Variants in SLC35F3 observed in about 807,000 individuals in gnomAD.
The protein encoded by SLC35F3 is putative thiamine transporter SLC35F3.
In SLC35F3, 25 loss-of-function variants were observed where a neutral mutation model predicts 49.9. That is an observed-to-expected ratio of 0.50 (90% CI 0.37 to 0.70). SLC35F3 has a LOEUF of 0.70. Ranked by LOEUF, SLC35F3 falls within the 30% of genes least tolerant of loss-of-function variation. The pLI, the probability that SLC35F3 is intolerant of heterozygous loss-of-function variation, is 0.00. For synonymous variants in SLC35F3, 275 were observed against 265.4 expected, an observed-to-expected ratio of 1.04 and a Z score of -0.35; for missense variants, 525 against 639.8, an observed-to-expected ratio of 0.82 and a Z score of 1.94.
chr1:234,142,823 A>C (rs1460728479), intron 2 of SLC35F3, among the ~76,000 whole-genome samples: 1 of 152,240 alleles, frequency 6.6e-6, no homozygotes. Context: ...CACCAGGGTC[A>C]CATGGCCAAA....
At chr1:234,065,192 A>G (rs1334964274) in intron 2 of SLC35F3, among the ~76,000 whole-genome samples, 1 of 151,990 alleles carries the variant, frequency 6.6e-6, no homozygotes, top group East Asian at 1.9e-4. Context: ...CTGTCTCCAG[A>G]CTGGAGTGCA....
rs892532837 is a variant in SLC35F3, at chr1:234,231,098, G to T, written c.284-319G>T. Among the ~76,000 whole-genome samples, 2 of 152,206 alleles carry T rather than the reference G, an allele frequency of 1.3e-5. No homozygotes were observed. Among genetic ancestry groups the T allele is most frequent in the Non-Finnish European group, 2.9e-5 (2 of 68,036 alleles). On this transcript the variant is annotated intron_variant, in intron 2 of 7. Transcript: ENST00000366618. The surrounding 1 kb of genome is among the most constrained non-coding windows in gnomAD (Gnocchi z 5.4). ...CACGCAGATCACCTGAGGAATGCAG[G>T]TTCTGATTTTGGAGTCTGGGGTGAG... is the stretch of plus-strand genomic sequence containing the variant.
At position 234,119,249 on chromosome 1, in the gene SLC35F3, A is replaced by T. The variant is rs1572059067; in HGVS notation, c.284-112168A>T. 2.0e-5 allele frequency among the ~76,000 whole-genome samples: 3 copies of T among 151,548 alleles called. No individual in the cohort carries two copies. The East Asian group carries it at 5.8e-4, about 29-fold the overall frequency. ...TGCTTTGCTGCCTGGGCCTTTGCAC[A>T]CTAGCCTCCATCTTTTCCACAGCCT... On this transcript the variant is annotated intron_variant, in intron 2 of 7. Coordinates refer to ENST00000366618, the MANE Select transcript of SLC35F3 (RefSeq NM_173508.4).
chr1:234,168,450 G>A (rs1666350429), intron 2 of SLC35F3, among the ~76,000 whole-genome samples: 1 of 152,214 alleles, frequency 6.6e-6, no homozygotes, highest in Non-Finnish European at 1.5e-5. Flanking sequence ...TAAAGTGGAG[G>A]TGCAGGACTG....
At chr1:234,012,093 T>A (rs1208892101) in intron 2 of SLC35F3, among the ~76,000 whole-genome samples, 5 of 152,206 alleles carry the variant, frequency 3.3e-5, no homozygotes, top group African/African-American at 9.6e-5. Context: ...AGAATCTGTG[T>A]CATAATTAAG....
rs1663997597 is a variant in SLC35F3, at chr1:234,027,621, G to T, written c.283+121863G>T. On this transcript the variant is annotated intron_variant, in intron 2 of 7. Coordinates refer to ENST00000366618, the MANE Select transcript of SLC35F3 (RefSeq NM_173508.4). The surrounding 1 kb of genome is among the most constrained non-coding windows in gnomAD (Gnocchi z 4.1). ...GAGGGCCTAAACTAAGCTGGTCACA[G>T]ATAGTAGAAAGAAAGGGACAGATGT... Among the ~76,000 whole-genome samples the T allele has an allele frequency of 6.6e-6, 1 of 152,186 alleles. No homozygotes were observed. The highest frequency in any genetic ancestry group is 2.4e-5 in the African/African-American group (1 of 41,436).
intron 3 of SLC35F3, 59 bp from the exon 4 acceptor site, chr1:234,309,042 A>G: frequency 7.0e-7 from 1 of 1,434,970 alleles, no homozygotes. Flanking sequence ...GCTATAGGAA[A>G]TAAATGGTCT....
intron 3 of SLC35F3, among the ~76,000 whole-genome samples, chr1:234,244,396 T>C (rs1572112070): frequency 6.6e-6 from 1 of 152,140 alleles, no homozygotes; most frequent in East Asian, 1.9e-4. Context: ...GAAGAAACTA[T>C]CCATGGGCAG....
At chr1:233,940,505 G>A (rs926197463) in intron 2 of SLC35F3, among the ~76,000 whole-genome samples, 7 of 152,128 alleles carry the variant, frequency 4.6e-5, no homozygotes, top group African/African-American at 1.7e-4. Context: ...CAAAGTATGT[G>A]CACTTTGCCA....
At chr1:234,130,712 A>G (rs1047912465) in intron 2 of SLC35F3, among the ~76,000 whole-genome samples, 5 of 152,050 alleles carry the variant, frequency 3.3e-5, no homozygotes, top group Non-Finnish European at 7.4e-5. Flanking sequence ...AAACTCTCAT[A>G]CACTGCTGGT....
At chr1:234,311,678 G>C (rs1203972752) in intron 4 of SLC35F3, among the ~76,000 whole-genome samples, 1 of 152,258 alleles carries the variant, frequency 6.6e-6, no homozygotes, top group African/African-American at 2.4e-5. Flanking sequence ...TATGGTATGA[G>C]AGGGTGAGAA....
At chr1:233,954,008 C>CTT (rs750099276) in intron 2 of SLC35F3, among the ~76,000 whole-genome samples, 32 of 141,208 alleles carry the variant, frequency 2.3e-4, no homozygotes, top group African/African-American at 5.4e-4. Context: ...ACTAGAGCCT[C>CTT]TTTTTTTTTT....
chr1:234,046,735 A>G lies in SLC35F3; in HGVS notation c.283+140977A>G, dbSNP rs1013551425. Among the ~76,000 whole-genome samples the G allele has an allele frequency of 1.2e-3, 184 of 152,292 alleles. No homozygotes were observed. Among genetic ancestry groups the G allele is most frequent in the African/African-American group, 4.3e-3 (179 of 41,570 alleles). On this transcript the variant is annotated intron_variant, in intron 2 of 7. Transcript: ENST00000366618. The surrounding 1 kb of genome is among the most constrained non-coding windows in gnomAD (Gnocchi z 4.4). Reference sequence around the variant, plus strand: ...TTTTAAACATTTCCTTTATGCATTTAGTTATTTAATCCCTGAAATTTGTCT... The same window carrying G: ...TTTTAAACATTTCCTTTATGCATTTGGTTATTTAATCCCTGAAATTTGTCT...
At position 234,256,983 on chromosome 1, in the gene SLC35F3, A is replaced by G. The variant is rs562010696; in HGVS notation, c.608+25242A>G. Among the ~76,000 whole-genome samples, 28 of 152,138 alleles carry G rather than the reference A, an allele frequency of 1.8e-4. 1 individual carries two copies. The highest frequency in any genetic ancestry group is 2.6e-4 in the Non-Finnish European group (18 of 68,034). On this transcript the variant is annotated intron_variant, in intron 3 of 7. Transcript: ENST00000366618. ...CCTTTCTAAATTTATGAACCTTGTC[A>G]CTCTTCAGTTGATACAATAATAGTT...
chr1:233,975,641 T>C (rs1572004991), intron 2 of SLC35F3, among the ~76,000 whole-genome samples: 1 of 152,176 alleles, frequency 6.6e-6, no homozygotes, highest in Non-Finnish European at 1.5e-5. Context: ...GGGGCGCTGC[T>C]GTGGGCAGGA....
intron 4 of SLC35F3, among the ~76,000 whole-genome samples, chr1:234,313,463 A>T (rs906387473): frequency 2.0e-5 from 3 of 152,174 alleles, no homozygotes; most frequent in Non-Finnish European, 4.4e-5. Context: ...GCTAAGCAGT[A>T]ATCCCCGGCC....
At chr1:234,126,687 C>A (rs1665653585) in intron 2 of SLC35F3, among the ~76,000 whole-genome samples, 1 of 151,980 alleles carries the variant, frequency 6.6e-6, no homozygotes, top group Middle Eastern at 3.2e-3. Flanking sequence ...GTTTTCTTTT[C>A]TTTCTTTCTT....
intron 2 of SLC35F3, among the ~76,000 whole-genome samples, chr1:234,192,996 C>G (rs1176319927): frequency 6.6e-6 from 1 of 152,086 alleles, no homozygotes; most frequent in Admixed American, 6.6e-5. Context: ...TGGGTAGAAT[C>G]AATATTGTGA....
At chr1:234,230,288 T>C (rs761330561) in intron 2 of SLC35F3, among the ~76,000 whole-genome samples, 41 of 152,232 alleles carry the variant, frequency 2.7e-4, no homozygotes, top group Non-Finnish European at 1.8e-4. Flanking sequence ...CATAGACTCA[T>C]AATGCTTCAG....
Sources: allele counts gnomAD v4.1 joint callset (sites outside exome capture counted in the v4.1 genomes callset), GRCh38; gene constraint gnomAD v4.1.1; non-coding constraint Gnocchi (gnomAD v3.1); transcripts MANE v1.5; gene names NCBI Gene and HGNC (gene_info 2026-07-23, HGNC 2026-07-21).